NECAB2: variants seen among roughly 807,000 people sequenced by gnomAD.
NECAB2 encodes the protein N-terminal EF-hand calcium binding protein 2, also known as N-terminal EF-hand calcium-binding protein 2.
Under a neutral mutation model 51.9 loss-of-function variants are expected in NECAB2, and 68 were observed. That is an observed-to-expected ratio of 1.31 (90% CI 1.08 to 1.60). The LOEUF (loss-of-function observed/expected upper bound fraction) is 1.60, where lower values mean the gene tolerates loss of function less well. Ranked by LOEUF, NECAB2 falls within the 40% of genes most tolerant of loss-of-function variation. The probability of loss-of-function intolerance (pLI) is 0.00; values close to 1 mark genes in which losing one functional copy is unlikely to be tolerated. For missense variants in NECAB2, 854 were observed against 490.3 expected (o/e 1.74, Z -7.00); for synonymous variants, 329 against 203.5 (o/e 1.62, Z -5.25).
At chr16:83,990,415 C>A in intron 5 of NECAB2, 79 bp from the exon 6 acceptor site, 1 of 1,550,266 alleles carries the variant, frequency 6.5e-7, no homozygotes, top group South Asian at 1.2e-5. Context: ...CCAGCTTTCC[C>A]CCAACTCCTG....
intron 5 of NECAB2, among the ~76,000 whole-genome samples, chr16:83,984,094 C>G (rs1047878446): frequency 6.7e-6 from 1 of 149,426 alleles, no homozygotes; most frequent in Non-Finnish European, 1.5e-5. Context: ...CTCCCGGGTT[C>G]ACGCCATTCT....
Position 83,994,671 on chromosome 16 carries a change from G to A in NECAB2, c.778G>A (p.Gly260Arg). 1 of 1,614,110 alleles carries A rather than the reference G, an allele frequency of 6.2e-7. No individual in the cohort carries two copies. Among genetic ancestry groups the A allele is most frequent in the African/African-American group, 1.3e-5 (1 of 75,060 alleles). Residue 260 changes from glycine (G) to arginine (R), a missense_variant, in exon 8 of 13, where the codon GGG becomes AGG. Gly to Arg is a moderately radical substitution (Grantham distance 125). Transcript: ENST00000305202. ...GATCAGCCGCTTGGCAGAGCTGATT[G>A]GGAGGCTGGAGAGCAAAGTAAGCCC... ...AQISRLAELI[G>R]RLESKALWFD...
chr16:83,987,433 A>G (rs2084570188), intron 5 of NECAB2, among the ~76,000 whole-genome samples: 1 of 152,192 alleles, frequency 6.6e-6, no homozygotes. Context: ...TACTTCTGTT[A>G]TATAATGGTA....
At chr16:83,980,998 G>T in intron 4 of NECAB2, 32 bp from the exon 5 acceptor site, 1 of 1,609,742 alleles carries the variant, frequency 6.2e-7, no homozygotes, top group South Asian at 1.1e-5. Flanking sequence ...GGCAGGACCT[G>T]TGACCCCTGA....
chr16:83,973,319 C>T lies in NECAB2; in HGVS notation c.226+1144C>T, dbSNP rs182214099. ...TGGGAGTTCCTGTTGACGGCTCCCA[C>T]CCAGGGCGGTTGCAGGGTGGAGTTG... is the stretch of plus-strand genomic sequence containing the variant. On this transcript the variant is annotated intron_variant, in intron 2 of 12. Transcript: ENST00000305202. 3.0e-3 allele frequency among the ~76,000 whole-genome samples: 451 copies of T among 152,268 alleles called. 3 individuals carry two copies. Among genetic ancestry groups the T allele is most frequent in the Non-Finnish European group, 4.4e-3 (297 of 68,016 alleles).
At chr16:83,965,347 C>T (rs142802229), upstream of NECAB2, 2,963 of 1,571,718 alleles carry the variant, frequency 1.9e-3, 7 homozygotes, top group Non-Finnish European at 2.4e-3. Flanking sequence ...TGGGCATCCC[C>T]GGGGAGGCCC....
intron 10 of NECAB2, among the ~76,000 whole-genome samples, chr16:84,000,035 T>TGCCA (rs1291451462): frequency 2.0e-5 from 3 of 150,818 alleles, no homozygotes; most frequent in Non-Finnish European, 4.4e-5. Context: ...TACAGGGATG[T>TGCCA]GCCACCAGGC....
chr16:83,980,923 A>G lies in NECAB2; in HGVS notation c.361+59A>G, dbSNP rs1428700286. ...GATGCTGGGATGGGGCTGGATGAGA[A>G]GGGCCTGAGGCAGGGGAGGCTGGAG... is the stretch of plus-strand genomic sequence containing the variant. On this transcript the variant is annotated intron_variant, in intron 4 of 12. Transcript: ENST00000305202. The G allele has an allele frequency of 1.9e-6, 3 of 1,611,934 alleles. No individual in the cohort carries two copies. In the East Asian group the frequency reaches 6.7e-5, roughly 36 times the overall value.
chr16:83,990,168 G>T (rs988882119), intron 5 of NECAB2, among the ~76,000 whole-genome samples: 1 of 152,200 alleles, frequency 6.6e-6, no homozygotes, highest in East Asian at 1.9e-4. Context: ...GGCAGGCCCT[G>T]TGCAGAGCAT....
rs369895623 is a variant in NECAB2 at position 83,980,821 on chromosome 16, C to T, written c.336-18C>T. 3.4e-4 allele frequency: 541 copies of T among 1,570,436 alleles called. 7 individuals are homozygous for T. In the South Asian group the frequency reaches 5.9e-3, roughly 17 times the overall value. On this transcript the variant is annotated intron_variant, in intron 3 of 12. Transcript: ENST00000305202. ...CCTCTCTGTCTCTGTCTGTCTCTGCCTCTGTCTGTCTCTGCAGCCATGTGG... is the reference window on the plus strand; with the variant it reads ...CCTCTCTGTCTCTGTCTGTCTCTGCTTCTGTCTGTCTCTGCAGCCATGTGG...
intron 10 of NECAB2, among the ~76,000 whole-genome samples, chr16:84,000,410 C>T (rs973049579): frequency 5.3e-5 from 8 of 152,222 alleles, no homozygotes; most frequent in Middle Eastern, 3.4e-3. Flanking sequence ...CTCCTCTAGT[C>T]CCCGCTACTT....
At chr16:83,986,949 G>T (rs2084564487) in intron 5 of NECAB2, among the ~76,000 whole-genome samples, 1 of 152,236 alleles carries the variant, frequency 6.6e-6, no homozygotes, top group Non-Finnish European at 1.5e-5. Context: ...CAATATGTGG[G>T]TGACGGGTAC....
chr16:84,001,260 C>T (rs2084827718), intron 11 of NECAB2, among the ~76,000 whole-genome samples: 1 of 99,754 alleles, frequency 1.0e-5, no homozygotes, highest in Non-Finnish European at 1.7e-5. Flanking sequence ...AGGCCTTTGT[C>T]CTCTGCTCAG....
chr16:83,975,263 G>T (rs528405797), intron 2 of NECAB2, among the ~76,000 whole-genome samples: 250 of 146,744 alleles, frequency 1.7e-3, no homozygotes, highest in South Asian at 7.2e-3. Context: ...GGTGTGCAGG[G>T]AGGCGTGGGT....
intron 2 of NECAB2, among the ~76,000 whole-genome samples, chr16:83,977,515 G>C (rs73246955): frequency 0.047 from 7,141 of 152,164 alleles, 541 homozygotes; most frequent in African/African-American, 0.16. Flanking sequence ...AACTGCAAGT[G>C]AAGGGAAAAG....
chr16:83,989,662 C>T (rs557302650), intron 5 of NECAB2, among the ~76,000 whole-genome samples: 6 of 152,220 alleles, frequency 3.9e-5, no homozygotes, highest in East Asian at 3.9e-4. Context: ...CGTCCTTGAG[C>T]GACGTGGGTA....
intron 5 of NECAB2, among the ~76,000 whole-genome samples, chr16:83,981,862 G>C (rs1030124679): frequency 2.6e-5 from 4 of 152,170 alleles, no homozygotes; most frequent in African/African-American, 4.8e-5. Context: ...ACAGGTGCTC[G>C]AGGCAGCAGC....
chr16:83,987,887 A>C (rs989434529), intron 5 of NECAB2, among the ~76,000 whole-genome samples: 1 of 152,226 alleles, frequency 6.6e-6, no homozygotes, highest in African/African-American at 2.4e-5. Flanking sequence ...GATGGCTGTA[A>C]GCATCGAAGT....
intron 11 of NECAB2, 49 bp downstream of exon 11, chr16:84,000,850 G>A: frequency 6.3e-7 from 1 of 1,583,670 alleles, no homozygotes; most frequent in Non-Finnish European, 8.7e-7. Context: ...AGGGAAGTGG[G>A]GGGGCTGTCT....
Sources: gnomAD v4.1 joint callset for allele counts (sites outside exome capture counted in the v4.1 genomes callset) on GRCh38, gnomAD v4.1.1 for gene constraint, MANE v1.5 for transcripts, NCBI Gene and HGNC (gene_info 2026-07-23, HGNC 2026-07-21) for gene names.